Variants in TUSC3 observed in about 807,000 individuals in gnomAD.
The protein encoded by TUSC3 is dolichyl-diphosphooligosaccharide--protein glycosyltransferase subunit TUSC3.
A neutral mutation model predicts 44.8 loss-of-function variants in TUSC3; 45 were observed. The ratio of observed to expected loss-of-function variants is 1.00; its 90% CI spans 0.79 to 1.29. The LOEUF is 1.29. Ranked by LOEUF, TUSC3 falls within the 50% of genes most tolerant of loss-of-function variation. TUSC3 has a pLI of 0.00. For synonymous variants in TUSC3, 212 were observed against 152.9 expected (o/e 1.39, Z -2.85); for missense variants, 519 against 437.9 (o/e 1.19, Z -1.65).
intron 9 of TUSC3, among the ~76,000 whole-genome samples, chr8:15,751,048 C>CA (rs1811677939): frequency 6.6e-6 from 1 of 152,122 alleles, no homozygotes. Context: ...AGGCAGGCCT[C>CA]TGGCTGCTAT....
chr8:15,721,892 T>A (rs1810317553), intron 6 of TUSC3, among the ~76,000 whole-genome samples: 1 of 151,996 alleles, frequency 6.6e-6, no homozygotes, highest in Admixed American at 6.6e-5. Context: ...ATTGGTATAG[T>A]ATTTTTGTAT....
At chr8:15,583,970 G>C (rs1021746000) in intron 1 of TUSC3, among the ~76,000 whole-genome samples, 21 of 152,172 alleles carry the variant, frequency 1.4e-4, no homozygotes, top group Admixed American at 1.4e-3. Flanking sequence ...TCTCATGATA[G>C]ATAGTGTCAG....
rs374531049 is a variant in TUSC3 at position 15,623,157 on chromosome 8, A to G, written c.216A>G (p.Lys72=). 6.2e-7 allele frequency: 1 copy of G among 1,613,896 alleles called. No homozygotes were observed. Among genetic ancestry groups the G allele is most frequent in the Non-Finnish European group, 8.5e-7 (1 of 1,179,900 alleles). Residue 72 remains lysine (K), a synonymous_variant, in exon 2 of 11, where the codon AAA becomes AAG. Transcript: ENST00000503731. The stretch of plus-strand genomic sequence containing the variant: ...CAATCTTCCGAATGAATGGTGATAA[A>G]TTCCGAAAATTTATAAAGGCACCAC... ...RRSIFRMNGD[K]FRKFIKAPPR...
chr8:15,839,526 C>T, the TUSC3 span, among the ~76,000 whole-genome samples: 1 of 146,784 alleles, frequency 6.8e-6, no homozygotes. Context: ...AACAAATTTA[C>T]AAGAAAAAAA....
At chr8:15,739,770 T>C (rs777104153) in intron 7 of TUSC3, among the ~76,000 whole-genome samples, 43 of 152,254 alleles carry the variant, frequency 2.8e-4, no homozygotes, top group Non-Finnish European at 4.9e-4. Flanking sequence ...CTAGCAATTA[T>C]GTTCTTTGCC....
At chr8:15,685,270 C>T (rs111312252) in intron 6 of TUSC3, among the ~76,000 whole-genome samples, 10 of 152,134 alleles carry the variant, frequency 6.6e-5, no homozygotes, top group South Asian at 2.1e-4. Flanking sequence ...CTTCACTCAC[C>T]GCTTCCTCAG....
intron 2 of TUSC3, among the ~76,000 whole-genome samples, chr8:15,527,453 G>A (rs1221125326): frequency 2.6e-5 from 4 of 152,296 alleles, no homozygotes; most frequent in South Asian, 2.1e-4. Flanking sequence ...CTGACCGTAC[G>A]TGATCCACCT....
intron 1 of TUSC3, among the ~76,000 whole-genome samples, chr8:15,603,579 A>G (rs942080759): frequency 6.6e-6 from 1 of 151,710 alleles, no homozygotes; most frequent in Admixed American, 6.6e-5. Flanking sequence ...ATATTGAAAT[A>G]TCATTATTAC....
At chr8:15,774,000 G>C in the TUSC3 span, among the ~76,000 whole-genome samples, 2 of 151,998 alleles carry the variant, frequency 1.3e-5, no homozygotes, top group Non-Finnish European at 2.9e-5. Context: ...ACAGTTTCTT[G>C]GATATGACTT....
the TUSC3 span, among the ~76,000 whole-genome samples, chr8:15,797,287 C>T: frequency 6.6e-6 from 1 of 152,136 alleles, no homozygotes; most frequent in Non-Finnish European, 1.5e-5. Context: ...AAGTGGAATG[C>T]CCAAGAGAGG....
chr8:15,589,819 A>C (rs1411608140), intron 1 of TUSC3, among the ~76,000 whole-genome samples: 1 of 152,208 alleles, frequency 6.6e-6, no homozygotes, highest in Non-Finnish European at 1.5e-5. Context: ...TTAATGGTTG[A>C]GCCAAGCCAT....
At chr8:15,478,985 G>T (rs540429147) in intron 1 of TUSC3, among the ~76,000 whole-genome samples, 6 of 152,144 alleles carry the variant, frequency 3.9e-5, no homozygotes, top group Non-Finnish European at 7.3e-5. Flanking sequence ...TGACTGGCAT[G>T]AGATGCTATC....
chr8:15,736,643 A>AAT (rs1474306743), intron 7 of TUSC3, among the ~76,000 whole-genome samples: 1 of 152,180 alleles, frequency 6.6e-6, no homozygotes, highest in East Asian at 1.9e-4. Context: ...GGTTTTCTAA[A>AAT]ATAAAAAGGC....
chr8:15,675,317 A>T (rs1835140), intron 6 of TUSC3, among the ~76,000 whole-genome samples: 31,765 of 151,760 alleles, frequency 0.21, 4,241 homozygotes, highest in Non-Finnish European at 0.3. Flanking sequence ...GGTATAAAAC[A>T]TATTAAGGCA....
In TUSC3 at chr8:15,683,492, G is replaced by A. The variant is rs150160470; in HGVS notation, c.798+9656G>A. Among the ~76,000 whole-genome samples, 346 of 152,098 alleles carry A rather than the reference G, an allele frequency of 2.3e-3. 1 individual carries two copies. Among genetic ancestry groups the A allele is most frequent in the African/African-American group, 8.0e-3 (334 of 41,510 alleles). On this transcript the variant is annotated intron_variant, in intron 6 of 10. Coordinates refer to ENST00000503731, the MANE Select transcript of TUSC3 (RefSeq NM_006765.4). ...TATGGTGGATTTCTCAATTCCAGAAGTTTAGTTTGTTTCTTTCTTACTATA... is the reference window on the plus strand; with the variant it reads ...TATGGTGGATTTCTCAATTCCAGAAATTTAGTTTGTTTCTTTCTTACTATA...
At chr8:15,478,941 C>G in intron 1 of TUSC3, among the ~76,000 whole-genome samples, 1 of 152,128 alleles carries the variant, frequency 6.6e-6, no homozygotes, top group East Asian at 1.9e-4. Context: ...TCGCCAGCAA[C>G]TGTTGTTTCT....
At chr8:15,642,630 C>T (rs1275505112) in intron 2 of TUSC3, among the ~76,000 whole-genome samples, 2 of 152,110 alleles carry the variant, frequency 1.3e-5, no homozygotes, top group Non-Finnish European at 2.9e-5. Flanking sequence ...CTGGGAAATC[C>T]TGCAGGATTT....
At chr8:15,465,761 A>C (rs1425804014) in intron 1 of TUSC3, among the ~76,000 whole-genome samples, 2 of 152,306 alleles carry the variant, frequency 1.3e-5, no homozygotes, top group Non-Finnish European at 1.5e-5. Flanking sequence ...TTTATGAATT[A>C]GTTACTTCTC....
At chr8:15,605,413 C>G (rs1010612926) in intron 1 of TUSC3, among the ~76,000 whole-genome samples, 4 of 151,852 alleles carry the variant, frequency 2.6e-5, no homozygotes, top group African/African-American at 4.8e-5. Context: ...TAAAAATAAA[C>G]ATAACCATTT....
Sources: gnomAD v4.1 joint callset for allele counts (sites outside exome capture counted in the v4.1 genomes callset) on GRCh38, gnomAD v4.1.1 for gene constraint, MANE v1.5 for transcripts, NCBI Gene and HGNC (gene_info 2026-07-23, HGNC 2026-07-21) for gene names.